Variants in ARRDC2 observed in about 807,000 individuals in gnomAD.
The protein encoded by ARRDC2 is arrestin domain containing 2.
In ARRDC2, 39 loss-of-function variants were observed where a neutral mutation model predicts 38.9. The ratio of observed to expected loss-of-function variants is 1.00; its 90% CI spans 0.78 to 1.31. ARRDC2 has a LOEUF of 1.31. Among genes scored for constraint, ARRDC2 ranks in the 50% most tolerant of loss-of-function variants. The pLI is 0.00. For missense variants in ARRDC2, 553 were observed against 588.4 expected, an observed-to-expected ratio of 0.94 and a Z score of 0.62; for synonymous variants, 300 against 261.9, an observed-to-expected ratio of 1.15 and a Z score of -1.41.
upstream of ARRDC2, among the ~76,000 whole-genome samples, chr19:18,004,504 C>T (rs1180435146): frequency 1.3e-5 from 2 of 150,548 alleles, no homozygotes; most frequent in African/African-American, 4.9e-5. Context: ...GCCTCGGCCT[C>T]CCAAAGTGCT....
At position 18,008,262 on chromosome 19, in the gene ARRDC2, C is replaced by T; in HGVS notation, c.-49C>T. 1 of 1,565,684 alleles carries T rather than the reference C, an allele frequency of 6.4e-7. No individual in the cohort carries two copies. The highest frequency in any genetic ancestry group is 8.6e-7 in the Non-Finnish European group (1 of 1,167,634). ...GTCGGCATCTTGAGCTGCCGGTTCG[C>T]GAGTTCGAGGCCAGGTTCCGCCTGT... On this transcript the variant is annotated 5_prime_UTR_variant, in exon 1 of 8. Coordinates refer to ENST00000222250, the MANE Select transcript of ARRDC2 (RefSeq NM_015683.2).
upstream of ARRDC2, among the ~76,000 whole-genome samples, chr19:18,004,893 G>A (rs377200468): frequency 6.6e-6 from 1 of 151,474 alleles, no homozygotes; most frequent in Non-Finnish European, 1.5e-5. Context: ...CCGGCTACTC[G>A]GGAGGCTGAG....
chr19:18,007,134 G>T (rs2146000088), upstream of ARRDC2: 1 of 152,564 alleles, frequency 6.6e-6, no homozygotes, highest in South Asian at 2.1e-4. Context: ...TTCAGCGGCA[G>T]CGCATTACGC....
At chr19:18,001,365 G>T in exon 1 of ARRDC2, 1 of 1,199,960 alleles carries the variant, frequency 8.3e-7, no homozygotes. Flanking sequence ...CGCGGGGCCC[G>T]GGCGGCGCCT....
upstream of ARRDC2, among the ~76,000 whole-genome samples, chr19:18,004,992 AAAAG>A (rs1247892796): frequency 6.6e-6 from 1 of 151,740 alleles, no homozygotes; most frequent in Non-Finnish European, 1.5e-5. Context: ...CTCAAAAAAA[AAAAG>A]AAAAGCAAAT....
At chr19:18,004,198 T>C (rs561810393), upstream of ARRDC2, among the ~76,000 whole-genome samples, 8 of 144,984 alleles carry the variant, frequency 5.5e-5, no homozygotes, top group South Asian at 1.9e-3. Context: ...CTGGCCAACA[T>C]GGTGAAGCCC....
At chr19:18,012,469 C>T (rs534885991) in intron 7 of ARRDC2, among the ~76,000 whole-genome samples, 1 of 152,184 alleles carries the variant, frequency 6.6e-6, no homozygotes, top group South Asian at 2.1e-4. Flanking sequence ...CACCTGTGAT[C>T]CCAGCTACTC....
chr19:18,007,074 G>C (rs1339932429), upstream of ARRDC2: 1 of 152,650 alleles, frequency 6.6e-6, no homozygotes, highest in Non-Finnish European at 1.5e-5. Flanking sequence ...TGAGGTGGTG[G>C]AAGTCTCCTG....
upstream of ARRDC2, among the ~76,000 whole-genome samples, chr19:18,003,628 T>TTTTGTTTG (rs377673678): frequency 2.0e-5 from 3 of 148,838 alleles, no homozygotes; most frequent in Non-Finnish European, 3.0e-5. Context: ...GCTGGCTAAT[T>TTTTGTTTG]TTTGTTTGTT....
upstream of ARRDC2, among the ~76,000 whole-genome samples, chr19:18,006,045 C>T (rs946149523): frequency 8.6e-5 from 13 of 150,940 alleles, no homozygotes; most frequent in Admixed American, 4.0e-4. Context: ...CGGGCAGAGA[C>T]GCTCCTCACT....
upstream of ARRDC2, chr19:18,008,115 G>GGGGGCC: frequency 1.2e-6 from 1 of 810,032 alleles, no homozygotes; most frequent in Non-Finnish European, 1.7e-6. Context: ...AAGAGACGGT[G>GGGGGCC]ACCCCACCCC....
chr19:18,008,116 A>AGGCCCCCC, upstream of ARRDC2: 5 of 522,494 alleles, frequency 9.6e-6, no homozygotes, highest in Non-Finnish European at 1.5e-5. Context: ...AGAGACGGTG[A>AGGCCCCCC]CCCCACCCCC....
chr19:18,004,265 T>A (rs1599393013), upstream of ARRDC2, among the ~76,000 whole-genome samples: 2 of 148,152 alleles, frequency 1.3e-5, no homozygotes, highest in East Asian at 2.1e-4. Flanking sequence ...TTTTTTTTTT[T>A]AGGCGGAATT....
intron 1 of ARRDC2, among the ~76,000 whole-genome samples, chr19:18,002,314 T>A (rs2033199020): frequency 6.6e-6 from 1 of 152,172 alleles, no homozygotes. Flanking sequence ...TGGGGTCACA[T>A]TCTCCTGGGA....
chr19:18,013,116 C>T lies in ARRDC2; in HGVS notation c.*150C>T. 1.3e-6 allele frequency: 1 copy of T among 763,884 alleles called. No individual in the cohort carries two copies. The allele number at this position is 763,884 out of a possible 1,614,324, so 47.3% of individuals were successfully genotyped here. On this transcript the variant is annotated 3_prime_UTR_variant, in exon 8 of 8. Transcript: ENST00000222250. The stretch of plus-strand genomic sequence containing the variant: ...AGTGAGGCGGGGGCCTTTCGGATAT[C>T]ACATGGGACAGAGGAAGAGCCCGGC...
chr19:18,008,201 C>T lies in ARRDC2; in HGVS notation c.-110C>T, dbSNP rs2033322313. ...CTGCTCCGGTTGGTGAGCGCGCCTG[C>T]GCGTTGACGGCGATTTTGCGTTCTG... On this transcript the variant is annotated 5_prime_UTR_variant, in exon 1 of 8. Coordinates refer to ENST00000222250, the MANE Select transcript of ARRDC2 (RefSeq NM_015683.2). 24 of 1,415,670 alleles carry T rather than the reference C, an allele frequency of 1.7e-5. No individual in the cohort carries two copies. The highest frequency in any genetic ancestry group is 2.5e-4 in the Middle Eastern group (1 of 3,930). 87.7% of individuals were successfully genotyped at this position (1,415,670 alleles called of 1,614,324 possible).
At chr19:18,006,109 G>A (rs897553138), upstream of ARRDC2, among the ~76,000 whole-genome samples, 6 of 151,338 alleles carry the variant, frequency 4.0e-5, no homozygotes, top group African/African-American at 9.7e-5. Context: ...TAGGTGGGAT[G>A]GCGGCCGGGC....
chr19:18,001,972 G>C (rs1376813946), intron 1 of ARRDC2, among the ~76,000 whole-genome samples: 2 of 152,198 alleles, frequency 1.3e-5, no homozygotes, highest in African/African-American at 4.8e-5. Flanking sequence ...CCCAGGGTCT[G>C]GGTGTTCCCT....
chr19:18,008,943 C>G, intron 2 of ARRDC2, 28 bp from the exon 3 acceptor site: 3 of 1,611,788 alleles, frequency 1.9e-6, no homozygotes, highest in Non-Finnish European at 2.5e-6. Flanking sequence ...TGTATCTTGT[C>G]CCCTGAAGTC....
Sources: gnomAD v4.1 joint callset for allele counts (sites outside exome capture counted in the v4.1 genomes callset) on GRCh38, gnomAD v4.1.1 for gene constraint, MANE v1.5 for transcripts, NCBI Gene and HGNC (gene_info 2026-07-23, HGNC 2026-07-21) for gene names.